CACNA1S: variants seen among roughly 807,000 people sequenced by gnomAD.
CACNA1S encodes the protein calcium voltage-gated channel subunit alpha1 S.
In CACNA1S, 126 loss-of-function variants were observed where a neutral mutation model predicts 207.4. That is an observed-to-expected ratio of 0.61 (90% CI 0.53 to 0.70). The LOEUF (loss-of-function observed/expected upper bound fraction) is 0.70, where lower values mean the gene tolerates loss of function less well. Among genes scored for constraint, CACNA1S ranks in the 30% least tolerant of loss-of-function variants. The probability of loss-of-function intolerance (pLI) is 0.00; values close to 1 mark genes in which losing one functional copy is unlikely to be tolerated. For missense variants in CACNA1S, 2,349 were observed against 2,422.8 expected, an observed-to-expected ratio of 0.97 and a Z score of 0.64; for synonymous variants, 960 against 932.7, an observed-to-expected ratio of 1.03 and a Z score of -0.53.
chr1:201,083,491 C>T (rs1214690237), intron 9 of CACNA1S, among the ~76,000 whole-genome samples, 169 bp from the exon 10 acceptor site: 1 of 152,192 alleles, frequency 6.6e-6, no homozygotes, highest in Non-Finnish European at 1.5e-5. Context: ...GAGTAAAATC[C>T]TCCATCTTTC....
chr1:201,065,609 G>A (rs1263355068), intron 22 of CACNA1S, among the ~76,000 whole-genome samples: 1 of 152,216 alleles, frequency 6.6e-6, no homozygotes, highest in African/African-American at 2.4e-5. Flanking sequence ...TCATTGGGCT[G>A]CTTTTGTGGA....
At position 201,053,107 on chromosome 1, in the gene CACNA1S, GA is replaced by G; in HGVS notation, c.3861+101del. ...TCTCACGAGCAAGGCAGGGAGGGCG[GA>G]GGGTCCAGCCCGTGTGCTGCTCAGG... On this transcript the variant is annotated intron_variant, in intron 31 of 43. Coordinates refer to ENST00000362061, the MANE Select transcript of CACNA1S (RefSeq NM_000069.3). This position sits in a 1 kb window ranked among gnomAD's most constrained non-coding sequence, Gnocchi z 5.1. 7.6e-7 allele frequency: 1 copy of G among 1,314,892 alleles called. No homozygotes were observed. The highest frequency in any genetic ancestry group is 1.1e-6 in the Non-Finnish European group (1 of 907,110). 81.5% of individuals were successfully genotyped at this position (1,314,892 alleles called of 1,614,324 possible).
chr1:201,044,379 CT>C lies in CACNA1S; in HGVS notation c.4745del (p.Glu1582GlyfsTer52). ...CCTCCACCATGGCTCTCTCCAGCTC[CT>C]CCTCAGCAGCCAGGTCTCCTGAGAC... The part of the protein sequence containing the change: ...RTVSGDLAAE[E>X]ELERAMVEAA... On this transcript the variant is annotated frameshift_variant, in exon 39 of 44. Transcript: ENST00000362061. LOFTEE classifies it high-confidence loss of function. 6.2e-7 allele frequency: 1 copy of C among 1,613,832 alleles called. No homozygotes were observed. Among genetic ancestry groups the C allele is most frequent in the Non-Finnish European group, 8.5e-7 (1 of 1,179,946 alleles).
Position 201,078,068 on chromosome 1 carries a change from G to T in CACNA1S, c.1430C>A (p.Thr477Asn). 1.2e-6 allele frequency: 2 copies of T among 1,614,214 alleles called. No individual in the cohort carries two copies. The highest frequency in any genetic ancestry group is 1.3e-5 in the African/African-American group (1 of 75,058). Residue 477 changes from threonine (T) to asparagine (N), a missense_variant, in exon 11 of 44, where the codon ACT (threonine) becomes AAT (asparagine). By Grantham distance (65) the Thr-to-Asn change is moderately conservative. Transcript: ENST00000362061. ...CCCGTACATCTTCATCAGCATCTCAGTGGTGAAGAGGGACAGCAGCACCCG... is the reference window on the plus strand; with the variant it reads ...CCCGTACATCTTCATCAGCATCTCATTGGTGAAGAGGGACAGCAGCACCCG... ...ANRVLLSLFT[T>N]EMLMKMYGLG...
At chr1:201,091,551 G>A in intron 5 of CACNA1S, 89 bp downstream of exon 5, 1 of 1,451,082 alleles carries the variant, frequency 6.9e-7, no homozygotes, top group South Asian at 1.1e-5. Context: ...CAATGGCTGA[G>A]CTCCGGGCTC....
chr1:201,110,228 C>T lies in CACNA1S; in HGVS notation c.194G>A (p.Cys65Tyr), dbSNP rs1298264664. Residue 65 changes from cysteine (C) to tyrosine (Y), a missense_variant, in exon 2 of 44, where the codon TGT becomes TAT. By Grantham distance (194) the Cys-to-Tyr change is radical (BLOSUM62 -2). Transcript: ENST00000362061. ...TIILLTIFANCVALAVYLPMP... is the reference protein window; with the variant it reads ...TIILLTIFANYVALAVYLPMP... The stretch of plus-strand genomic sequence containing the variant: ...GGGCAGGTACACGGCCAGGGCCACA[C>T]AATTGGCAAAGATGGTGAGCAAGAT... The T allele has an allele frequency of 2.5e-6, 4 of 1,614,074 alleles. No homozygotes were observed. In the South Asian group the frequency reaches 3.3e-5, roughly 13 times the overall value.
In CACNA1S at chr1:201,058,475, G is replaced by A. The variant is rs144935943; in HGVS notation, c.3542C>T (p.Pro1181Leu). The A allele has an allele frequency of 6.2e-7, 1 of 1,614,094 alleles. No homozygotes were observed. Among genetic ancestry groups the A allele is most frequent in the Non-Finnish European group, 8.5e-7 (1 of 1,179,930 alleles). Residue 1181 changes from proline (P) to leucine (L), a missense_variant, in exon 28 of 44, where the codon CCC (proline) becomes CTC (leucine). Pro to Leu is a moderately conservative substitution (Grantham distance 98). Coordinates refer to ENST00000362061, the MANE Select transcript of CACNA1S (RefSeq NM_000069.3). ...AATCAGGAAGTCAAACACATTCCAGGGGTCTCCAAAGTAGCCCTGGGAAGG... is the reference window on the plus strand; with the variant it reads ...AATCAGGAAGTCAAACACATTCCAGAGGTCTCCAAAGTAGCCCTGGGAAGG... ...AFKARGYFGD[P>L]WNVFDFLIVI...
At chr1:201,094,165 C>G (rs1480413357) in intron 2 of CACNA1S, 144 bp from the exon 3 acceptor site, 2 of 843,884 alleles carry the variant, frequency 2.4e-6, no homozygotes, top group Non-Finnish European at 3.9e-6. Context: ...GAATGCCTAC[C>G]CCCCCACTCC....
At chr1:201,100,905 A>G (rs941812414) in intron 2 of CACNA1S, among the ~76,000 whole-genome samples, 1 of 150,572 alleles carries the variant, frequency 6.6e-6, no homozygotes, top group South Asian at 2.1e-4. Context: ...ACATTTTTGT[A>G]TTAAAAAGAA....
chr1:201,097,528 G>T (rs925459947), intron 2 of CACNA1S, among the ~76,000 whole-genome samples: 2 of 152,096 alleles, frequency 1.3e-5, no homozygotes, highest in African/African-American at 4.8e-5. Context: ...ACAACCCTCT[G>T]ACCCCCCACA....
intron 32 of CACNA1S, among the ~76,000 whole-genome samples, chr1:201,051,704 T>C (rs1163548817): frequency 6.6e-6 from 1 of 152,224 alleles, no homozygotes; most frequent in African/African-American, 2.4e-5. Flanking sequence ...CCTCTCCAGC[T>C]GGGAAGAAGT....
Position 201,039,897 on chromosome 1 carries a change from C to A in CACNA1S, c.5556G>T (p.Gly1852=). 5 of 1,613,356 alleles carry A rather than the reference C, an allele frequency of 3.1e-6. No individual in the cohort carries two copies. The highest frequency in any genetic ancestry group is 4.2e-6 in the Non-Finnish European group (5 of 1,180,026). ...GTTGGTCGAGGCTGCCCAGGGAGGA[C>A]CCGAGGTTCAGGCATCCCAGGGAGC... The part of the protein sequence containing the change: ...MASSLGCLNL[G]SSLGSLDQHQ... Residue 1852 remains glycine, a synonymous_variant, in exon 44 of 44, where the codon GGG becomes GGT. Coordinates refer to ENST00000362061, the MANE Select transcript of CACNA1S (RefSeq NM_000069.3).
Position 201,085,012 on chromosome 1 carries a change from T to G in CACNA1S, c.1170A>C (p.Glu390Asp). The G allele has an allele frequency of 6.2e-7, 1 of 1,611,594 alleles. No individual in the cohort carries two copies. The highest frequency in any genetic ancestry group is 8.5e-7 in the Non-Finnish European group (1 of 1,179,636). The change falls in exon 9 of 44, where the codon GAA becomes GAC. Residue 390 changes from glutamate to aspartate, a missense_variant. Coordinates refer to ENST00000362061, the MANE Select transcript of CACNA1S (RefSeq NM_000069.3). ...DFREGKLSLD[E>D]GGSDTESLYE... ...ACAGGCTCTCTGTGTCAGAGCCACC[T>G]TCATCCAAAGACAGTTTTCCTGGAG...
chr1:201,048,039 T>G (rs1415992671), intron 36 of CACNA1S, among the ~76,000 whole-genome samples: 1 of 152,242 alleles, frequency 6.6e-6, no homozygotes, highest in Non-Finnish European at 1.5e-5. Flanking sequence ...ACCCTGAGGT[T>G]GTCTCAGACT....
intron 6 of CACNA1S, among the ~76,000 whole-genome samples, chr1:201,088,491 A>C (rs552256409): frequency 6.6e-6 from 1 of 152,292 alleles, no homozygotes; most frequent in African/African-American, 2.4e-5. Context: ...TGGTATTTGC[A>C]AAGCATTTGA....
rs373014329 is a variant in CACNA1S at position 201,050,576 on chromosome 1, G to T, written c.4114-60C>A. 4.0e-5 allele frequency: 65 copies of T among 1,606,116 alleles called. 2 individuals carry two copies. The South Asian group carries it at 6.4e-4, about 16-fold the overall frequency. On this transcript the variant is annotated intron_variant, in intron 33 of 43. Transcript: ENST00000362061. ...AAGGCAGGTGGTACAGGGTTAGGGT[G>T]GGGGAGCTGGGAGGTGTCCACTGGC...
intron 2 of CACNA1S, among the ~76,000 whole-genome samples, chr1:201,098,249 G>T (rs1173456873): frequency 1.3e-5 from 2 of 152,184 alleles, no homozygotes; most frequent in Non-Finnish European, 2.9e-5. Context: ...GCTGCTAGAG[G>T]TGCAGGCTGT....
At position 201,055,208 on chromosome 1, in the gene CACNA1S, G is replaced by C. The variant is rs1572030294; in HGVS notation, c.3610-647C>G. 2.6e-5 allele frequency among the ~76,000 whole-genome samples: 4 copies of C among 152,304 alleles called. No homozygotes were observed. The East Asian group carries it at 7.7e-4, about 29-fold the overall frequency. On this transcript the variant is annotated intron_variant, in intron 28 of 43. Coordinates refer to ENST00000362061, the MANE Select transcript of CACNA1S (RefSeq NM_000069.3). ...AGAAGCCCTTGTTCTGCAGCCCTGG[G>C]TCAAAAGAAGTCATTGTTTTATCTT...
chr1:201,091,922 G>A (rs1662247643), intron 4 of CACNA1S, 50 bp downstream of exon 4: 2 of 1,612,274 alleles, frequency 1.2e-6, no homozygotes, highest in African/African-American at 1.3e-5. Context: ...GGGGGACAAG[G>A]GAACAGGAAG....
Sources: gnomAD v4.1 joint callset for allele counts (sites outside exome capture counted in the v4.1 genomes callset) on GRCh38, gnomAD v4.1.1 for gene constraint, Gnocchi (gnomAD v3.1) non-coding constraint, MANE v1.5 for transcripts, NCBI Gene and HGNC (gene_info 2026-07-23, HGNC 2026-07-21) for gene names.